Variants in ATG10 observed in about 807,000 individuals in gnomAD.
ATG10 encodes the protein ubiquitin-like-conjugating enzyme ATG10.
ATG10 carries 30 observed loss-of-function variants against 32.1 expected under a neutral mutation model. The ratio of observed to expected loss-of-function variants is 0.94; its 90% confidence interval spans 0.70 to 1.27. The LOEUF is 1.27. ATG10 is among the 50% of genes most tolerant of loss of function. ATG10 has a pLI of 0.00. For missense variants in ATG10, 233 were observed against 262.3 expected (o/e 0.89, Z 0.77); for synonymous variants, 87 against 91.5 (o/e 0.95, Z 0.28).
chr5:82,008,978 G>A (rs1271613598), intron 2 of ATG10, among the ~76,000 whole-genome samples: 2 of 152,080 alleles, frequency 1.3e-5, no homozygotes, highest in Non-Finnish European at 2.9e-5. Flanking sequence ...TTTTTGTTTT[G>A]TAGGTGAACA....
chr5:82,009,105 G>C (rs1486112102), intron 2 of ATG10, among the ~76,000 whole-genome samples: 1 of 152,122 alleles, frequency 6.6e-6, no homozygotes, highest in Non-Finnish European at 1.5e-5. Context: ...CACAGTATGG[G>C]TAGTCTTACC....
chr5:82,030,021 G>A (rs2149714484), intron 2 of ATG10, among the ~76,000 whole-genome samples: 1 of 152,262 alleles, frequency 6.6e-6, no homozygotes, highest in African/African-American at 2.4e-5. Flanking sequence ...TGTGAAGTCT[G>A]TAGTGACACT....
At chr5:82,248,004 C>A (rs1346568858) in intron 5 of ATG10, among the ~76,000 whole-genome samples, 2 of 152,336 alleles carry the variant, frequency 1.3e-5, no homozygotes, top group Non-Finnish European at 2.9e-5. Context: ...TGCTCAAATA[C>A]CTCAAGCCTA....
At position 82,010,185 on chromosome 5, in the gene ATG10, G is replaced by A. The variant is rs1762091652; in HGVS notation, c.108+22507G>A. On this transcript the variant is annotated intron_variant, in intron 2 of 7. Transcript: ENST00000282185. Reference sequence around the variant, plus strand: ...TCAAGGTCTTGGAGAATGTTTCCAAGTACAGACAAAATTCTGATTATGAAT... The same window carrying A: ...TCAAGGTCTTGGAGAATGTTTCCAAATACAGACAAAATTCTGATTATGAAT... The A allele has an allele frequency of 1.2e-4, 124 of 1,056,902 alleles. 5 individuals carry two copies. In the South Asian group the frequency reaches 1.8e-3, roughly 15 times the overall value. The allele number at this position is 1,056,902 out of a possible 1,614,324, so 65.5% of individuals were successfully genotyped here.
chr5:82,184,365 A>AT (rs1452049827), intron 5 of ATG10, among the ~76,000 whole-genome samples: 4 of 152,072 alleles, frequency 2.6e-5, no homozygotes, highest in African/African-American at 9.7e-5. Flanking sequence ...AATCATTATT[A>AT]TTTTTTCCAG....
intron 5 of ATG10, among the ~76,000 whole-genome samples, chr5:82,202,983 C>T (rs926319304): frequency 2.0e-5 from 3 of 151,928 alleles, no homozygotes; most frequent in African/African-American, 7.2e-5. Context: ...AATCCCAGCG[C>T]TTTGGAGGCC....
intron 4 of ATG10, among the ~76,000 whole-genome samples, chr5:82,170,935 CA>C (rs1165616083): frequency 2.0e-5 from 3 of 151,444 alleles, no homozygotes; most frequent in Non-Finnish European, 2.9e-5. Context: ...GACTCTGTCT[CA>C]GGGAAAAAAA....
intron 2 of ATG10, among the ~76,000 whole-genome samples, chr5:81,989,471 C>T (rs145533652): frequency 6.0e-4 from 91 of 152,302 alleles, no homozygotes; most frequent in African/African-American, 2.0e-3. Flanking sequence ...CAGTCCCACT[C>T]TCTAAATAGT....
At chr5:82,047,349 A>C (rs546048719) in intron 2 of ATG10, among the ~76,000 whole-genome samples, 2 of 152,226 alleles carry the variant, frequency 1.3e-5, no homozygotes, top group African/African-American at 4.8e-5. Flanking sequence ...AAAATGAAAG[A>C]GGGAAAAGAA....
chr5:82,089,052 T>C (rs1235779605), intron 3 of ATG10, among the ~76,000 whole-genome samples: 1 of 152,160 alleles, frequency 6.6e-6, no homozygotes, highest in Non-Finnish European at 1.5e-5. Context: ...GCTACAGTAA[T>C]AAAGATTGTG....
chr5:82,194,607 T>A (rs1744783354), intron 5 of ATG10, among the ~76,000 whole-genome samples: 1 of 152,216 alleles, frequency 6.6e-6, no homozygotes, highest in Non-Finnish European at 1.5e-5. Flanking sequence ...GCCTACCTTT[T>A]CATCTGCTAA....
At chr5:82,104,707 C>G (rs1272982615) in intron 3 of ATG10, among the ~76,000 whole-genome samples, 1 of 152,034 alleles carries the variant, frequency 6.6e-6, no homozygotes, top group African/African-American at 2.4e-5. Flanking sequence ...ATTAAATTAT[C>G]TGTCCAGCAA....
At chr5:82,131,626 T>C (rs1766527444) in intron 3 of ATG10, among the ~76,000 whole-genome samples, 1 of 132,058 alleles carries the variant, frequency 7.6e-6, no homozygotes, top group African/African-American at 2.9e-5. Context: ...GAAAAATATA[T>C]GTAGTTTTAT....
chr5:82,072,520 C>A (rs963067071), intron 3 of ATG10, among the ~76,000 whole-genome samples: 2 of 152,094 alleles, frequency 1.3e-5, no homozygotes, highest in African/African-American at 4.8e-5. Context: ...TTATAAAGAA[C>A]AATGAAATTT....
chr5:82,016,827 T>G (rs1368310048), intron 2 of ATG10, among the ~76,000 whole-genome samples: 2 of 152,208 alleles, frequency 1.3e-5, no homozygotes, highest in East Asian at 3.9e-4. Context: ...TAGCTGGGAC[T>G]GTAGGCGCCT....
At chr5:82,164,595 G>T in intron 4 of ATG10, 58 bp downstream of exon 4, 3 of 1,468,012 alleles carry the variant, frequency 2.0e-6, no homozygotes, top group Non-Finnish European at 2.8e-6. Flanking sequence ...AAAGCAAAAA[G>T]CATATTTGGA....
chr5:81,973,953 G>A (rs1245907741), intron 1 of ATG10, among the ~76,000 whole-genome samples: 1 of 152,168 alleles, frequency 6.6e-6, no homozygotes, highest in African/African-American at 2.4e-5. Flanking sequence ...TTTAGGATAA[G>A]GTTAACTGAG....
intron 3 of ATG10, among the ~76,000 whole-genome samples, chr5:82,074,097 ATTAT>A (rs1196333672): frequency 2.0e-5 from 3 of 152,220 alleles, no homozygotes; most frequent in Non-Finnish European, 4.4e-5. Flanking sequence ...TATAGTGCCT[ATTAT>A]AAATCACAAT....
chr5:81,980,662 T>A (rs1266843064), intron 1 of ATG10, among the ~76,000 whole-genome samples: 2 of 151,768 alleles, frequency 1.3e-5, no homozygotes, highest in Non-Finnish European at 1.5e-5. Flanking sequence ...TTTTTTTTAG[T>A]TTTTTGGGGT....
Sources: gnomAD v4.1 joint callset for allele counts (sites outside exome capture counted in the v4.1 genomes callset) on GRCh38, gnomAD v4.1.1 for gene constraint, MANE v1.5 for transcripts, NCBI Gene and HGNC (gene_info 2026-07-23, HGNC 2026-07-21) for gene names.